ZNF385D: variants seen among roughly 807,000 people sequenced by gnomAD.
ZNF385D encodes zinc finger protein 659.
ZNF385D carries 15 observed loss-of-function variants against 35.8 expected under a neutral mutation model. The observed-to-expected ratio is 0.42, with a 90% CI of 0.28 to 0.64. ZNF385D has a LOEUF of 0.64. Among genes scored for constraint, ZNF385D ranks in the 30% least tolerant of loss-of-function variants. The pLI, the probability that ZNF385D is intolerant of heterozygous loss-of-function variation, is 0.23. For missense variants in ZNF385D, 474 were observed against 494.6 expected, an observed-to-expected ratio of 0.96 and a Z score of 0.39; for synonymous variants, 212 against 186.8, an observed-to-expected ratio of 1.13 and a Z score of -1.10.
At chr3:21,957,462 A>G (rs1702352495) in intron 3 of ZNF385D, among the ~76,000 whole-genome samples, 1 of 152,166 alleles carries the variant, frequency 6.6e-6, no homozygotes, top group South Asian at 2.1e-4. Context: ...CCTGATAGCA[A>G]TATGAACAAT....
At chr3:22,123,793 C>T (rs1464008634) in intron 3 of ZNF385D, among the ~76,000 whole-genome samples, 2 of 151,776 alleles carry the variant, frequency 1.3e-5, no homozygotes, top group Non-Finnish European at 2.9e-5. Context: ...ACCCAAGAGG[C>T]GGAGGTTGCA....
chr3:21,593,813 G>A (rs1456036560), intron 2 of ZNF385D, among the ~76,000 whole-genome samples: 2 of 148,260 alleles, frequency 1.3e-5, no homozygotes, highest in South Asian at 2.1e-4. Context: ...CTAAGAAACT[G>A]TTGAAAAATA....
chr3:21,954,781 A>G (rs1702213303), intron 3 of ZNF385D, among the ~76,000 whole-genome samples: 1 of 152,136 alleles, frequency 6.6e-6, no homozygotes, highest in Admixed American at 6.6e-5. Flanking sequence ...ATAATGTTAG[A>G]CATCCCCACC....
At chr3:21,475,630 A>G (rs1217103880) in intron 4 of ZNF385D, among the ~76,000 whole-genome samples, 1 of 152,102 alleles carries the variant, frequency 6.6e-6, no homozygotes, top group Non-Finnish European at 1.5e-5. Context: ...AAGACATCTT[A>G]ATTTTTTAAT....
intron 2 of ZNF385D, among the ~76,000 whole-genome samples, chr3:21,633,492 A>G (rs758225618): frequency 5.3e-5 from 8 of 152,100 alleles, no homozygotes; most frequent in Non-Finnish European, 8.8e-5. Flanking sequence ...AACCTTTAAT[A>G]CACATATCTG....
intron 5 of ZNF385D, among the ~76,000 whole-genome samples, chr3:21,429,469 ATTATTTCCCT>A (rs1341135095): frequency 2.0e-5 from 3 of 152,078 alleles, no homozygotes; most frequent in South Asian, 2.1e-4. Flanking sequence ...AGACATTTGT[ATTATTTCCCT>A]TTATTTCCCT....
At chr3:21,853,502 C>T (rs1215941150) in intron 3 of ZNF385D, among the ~76,000 whole-genome samples, 1 of 122,782 alleles carries the variant, frequency 8.1e-6, no homozygotes, top group Admixed American at 8.3e-5. Context: ...TTTAAAATTG[C>T]AGTCCTTTTT....
At chr3:22,192,771 C>A (rs1696146552) in intron 2 of ZNF385D, among the ~76,000 whole-genome samples, 1 of 152,130 alleles carries the variant, frequency 6.6e-6, no homozygotes, top group Non-Finnish European at 1.5e-5. Context: ...AGTCAAGACC[C>A]TAAGAAGATG....
rs2066500825 is a variant in ZNF385D at position 21,669,589 on chromosome 3, T to C, written c.23-4561A>G. Among the ~76,000 whole-genome samples, 3 of 152,278 alleles carry C rather than the reference T, an allele frequency of 2.0e-5. No homozygotes were observed. The South Asian group carries it at 6.2e-4, about 32-fold the overall frequency. ...AAATTAATATGTAAATTTAGACATGTTTGTTTTGATAATTCATACAGATAA... is the reference window on the plus strand; with the variant it reads ...AAATTAATATGTAAATTTAGACATGCTTGTTTTGATAATTCATACAGATAA... On this transcript the variant is annotated intron_variant, in intron 1 of 7. Coordinates refer to ENST00000281523, the MANE Select transcript of ZNF385D (RefSeq NM_024697.3).
At chr3:22,136,801 T>C (rs1704152782) in intron 3 of ZNF385D, among the ~76,000 whole-genome samples, 1 of 152,066 alleles carries the variant, frequency 6.6e-6, no homozygotes, top group African/African-American at 2.4e-5. Context: ...TGGAGGAAAC[T>C]TAAGTGCATT....
Position 22,187,213 on chromosome 3 carries a change from C to A in ZNF385D, c.107-18178G>T, listed in dbSNP as rs148982430. Among the ~76,000 whole-genome samples, 380 of 152,274 alleles carry A rather than the reference C, an allele frequency of 2.5e-3. 1 individual carries two copies. The highest frequency in any genetic ancestry group is 8.2e-3 in the African/African-American group (342 of 41,566). Reference sequence around the variant, plus strand: ...GTTCAGTACCTTTTTCTAGCATCAGCTTTTAACTGGCATCTTGTACTGTGG... The same window carrying A: ...GTTCAGTACCTTTTTCTAGCATCAGATTTTAACTGGCATCTTGTACTGTGG... On this transcript the variant is annotated intron_variant, in intron 2 of 5. Coordinates refer to the ZNF385D transcript ENST00000494108.
At chr3:22,113,369 C>T (rs1289019023) in intron 3 of ZNF385D, among the ~76,000 whole-genome samples, 3 of 152,188 alleles carry the variant, frequency 2.0e-5, no homozygotes, top group South Asian at 4.1e-4. Context: ...TTCAACTATA[C>T]TACCTTATAT....
intron 3 of ZNF385D, among the ~76,000 whole-genome samples, chr3:21,871,694 A>C (rs1218454633): frequency 6.6e-6 from 1 of 152,088 alleles, no homozygotes; most frequent in East Asian, 1.9e-4. Context: ...AAGAAAACTG[A>C]ACTTAGGAAC....
At chr3:22,063,358 T>C (rs1699782326) in intron 3 of ZNF385D, among the ~76,000 whole-genome samples, 1 of 152,174 alleles carries the variant, frequency 6.6e-6, no homozygotes, top group South Asian at 2.1e-4. Context: ...TAATCTTCTC[T>C]TAAAATATTA....
intron 3 of ZNF385D, among the ~76,000 whole-genome samples, chr3:21,519,661 C>A (rs188831951): frequency 3.3e-5 from 5 of 152,254 alleles, no homozygotes; most frequent in Non-Finnish European, 1.5e-5. Context: ...TTTGCTCAGT[C>A]CTTTTTGGAG....
At chr3:21,995,122 G>C (rs1352704696) in intron 3 of ZNF385D, among the ~76,000 whole-genome samples, 3 of 152,246 alleles carry the variant, frequency 2.0e-5, no homozygotes, top group Non-Finnish European at 2.9e-5. Flanking sequence ...TATATCAGTA[G>C]CATCAATAAG....
upstream of ZNF385D, among the ~76,000 whole-genome samples, chr3:21,756,132 AGGAC>A (rs1351256584): frequency 6.6e-6 from 1 of 152,180 alleles, no homozygotes; most frequent in African/African-American, 2.4e-5. Context: ...AAAGCGAGCA[AGGAC>A]AGATGTAAGG....
chr3:21,688,209 T>C (rs926556216), intron 1 of ZNF385D, among the ~76,000 whole-genome samples: 2 of 152,168 alleles, frequency 1.3e-5, no homozygotes, highest in African/African-American at 2.4e-5. Context: ...CATAAGTGCT[T>C]GAAACCGCCT....
rs79213611 is a variant in ZNF385D, at chr3:22,016,991, T to C, written c.325+151826A>G. Among the ~76,000 whole-genome samples the C allele has an allele frequency of 1.9e-3, 283 of 152,022 alleles. 1 individual carries two copies. Among genetic ancestry groups the C allele is most frequent in the African/African-American group, 6.6e-3 (273 of 41,512 alleles). ...ACACACTTTCTCATTTAATTTAAAA[T>C]GGCTTAATTGGAATAATAGTTTCTA... On this transcript the variant is annotated intron_variant, in intron 3 of 5. Transcript: ENST00000494108.
Sources: gnomAD v4.1 joint callset for allele counts (sites outside exome capture counted in the v4.1 genomes callset) on GRCh38, gnomAD v4.1.1 for gene constraint, MANE v1.5 for transcripts, NCBI Gene and HGNC (gene_info 2026-07-23, HGNC 2026-07-21) for gene names.